The following ERBB4 variants were observed in gnomAD, a reference collection of about 807,000 sequenced individuals.
ERBB4 encodes the protein erb-b2 receptor tyrosine kinase 4.
A neutral mutation model predicts 158.0 loss-of-function variants in ERBB4; 42 were observed. The ratio of observed to expected loss-of-function variants is 0.27; its 90% CI spans 0.21 to 0.34. The LOEUF (loss-of-function observed/expected upper bound fraction) is 0.34. Among genes scored for constraint, ERBB4 ranks in the 10% least tolerant of loss-of-function variants. ERBB4 has a pLI of 1.00. For synonymous variants in ERBB4, 583 were observed against 558.7 expected, an observed-to-expected ratio of 1.04 and a Z score of -0.61; for missense variants, 1,333 against 1,624.1, an observed-to-expected ratio of 0.82 and a Z score of 3.08.
chr2:212,307,584 C>T (rs754313347), intron 1 of ERBB4, among the ~76,000 whole-genome samples: 17 of 150,606 alleles, frequency 1.1e-4, no homozygotes, highest in Non-Finnish European at 2.5e-4. Flanking sequence ...ACAAGGTTTT[C>T]GATTTCTAAT....
intron 2 of ERBB4, among the ~76,000 whole-genome samples, chr2:212,058,007 A>T (rs1202477335): frequency 6.6e-6 from 1 of 152,212 alleles, no homozygotes; most frequent in Non-Finnish European, 1.5e-5. Context: ...TTGTTTTTGG[A>T]AAACATCAAC....
At chr2:211,719,868 GAA>G (rs56887696) in intron 7 of ERBB4, among the ~76,000 whole-genome samples, 795 of 76,758 alleles carry the variant, frequency 0.01, 11 homozygotes, top group African/African-American at 0.026. Flanking sequence ...ACAAAGAAAA[GAA>G]AAAAAAAAAA....
intron 1 of ERBB4, among the ~76,000 whole-genome samples, chr2:212,286,203 G>T (rs1030887520): frequency 1.3e-5 from 2 of 152,056 alleles, no homozygotes; most frequent in Non-Finnish European, 2.9e-5. Flanking sequence ...GGTTCTTACG[G>T]TTTACTGAAG....
chr2:212,445,714 T>C (rs1382749806), intron 1 of ERBB4, among the ~76,000 whole-genome samples: 1 of 152,160 alleles, frequency 6.6e-6, no homozygotes, highest in African/African-American at 2.4e-5. Context: ...CAGGCAGGAC[T>C]ACAAATGGTC....
intron 1 of ERBB4, among the ~76,000 whole-genome samples, chr2:212,254,299 C>T (rs1286018095): frequency 6.6e-6 from 1 of 152,150 alleles, no homozygotes; most frequent in Non-Finnish European, 1.5e-5. Flanking sequence ...CCAGCCCACT[C>T]ACTAAATAAC....
chr2:211,738,361 G>GT lies in ERBB4; in HGVS notation c.622+12277dup, dbSNP rs10535592. On this transcript the variant is annotated intron_variant, in intron 5 of 27. Coordinates refer to ENST00000342788, the MANE Select transcript of ERBB4 (RefSeq NM_005235.3). ...TTAAAGTAATTTTTCCTTTGTTTTT[G>GT]TTTTTTTTTTTTTTTTTTTTTTTTT... Among the ~76,000 whole-genome samples, 1,005 of 134,818 alleles carry GT rather than the reference G, an allele frequency of 7.5e-3. 12 individuals carry two copies. Among genetic ancestry groups the GT allele is most frequent in the East Asian group, 0.015 (65 of 4,234 alleles). 88.4% of individuals were successfully genotyped at this position (134,818 alleles called of 152,430 possible).
At chr2:212,043,709 T>C (rs2077193269) in intron 2 of ERBB4, among the ~76,000 whole-genome samples, 1 of 152,046 alleles carries the variant, frequency 6.6e-6, no homozygotes, top group Admixed American at 6.6e-5. Context: ...GAATAAGAAT[T>C]AGAGAGTAAG....
chr2:212,117,033 G>A (rs183125724), intron 2 of ERBB4, among the ~76,000 whole-genome samples: 89 of 152,176 alleles, frequency 5.8e-4, no homozygotes, highest in Non-Finnish European at 2.5e-4. Flanking sequence ...AAAGCCAGCC[G>A]TAAATACACA....
intron 1 of ERBB4, among the ~76,000 whole-genome samples, chr2:212,463,456 A>G (rs1688675066): frequency 1.3e-5 from 2 of 152,208 alleles, no homozygotes; most frequent in South Asian, 2.1e-4. Flanking sequence ...TACCATCTCT[A>G]TATCTCTATC....
chr2:211,701,618 C>T (rs921379002), intron 12 of ERBB4, among the ~76,000 whole-genome samples: 7 of 151,850 alleles, frequency 4.6e-5, no homozygotes, highest in Admixed American at 4.6e-4. Context: ...ATTAGCCGGG[C>T]GCGGCGGCGG....
intron 24 of ERBB4, 25 bp downstream of exon 24, chr2:211,421,982 A>G: frequency 1.4e-6 from 2 of 1,469,570 alleles, no homozygotes; most frequent in African/African-American, 1.4e-5. Flanking sequence ...GCCTAGTCTT[A>G]AAGGCATAAG....
In ERBB4 at chr2:211,420,504, G is replaced by A. The variant is rs2125403638; in HGVS notation, c.3072C>T (p.Val1024=). Reference sequence around the variant, plus strand: ...GAGGTGGGATGTTGAAAGCCTGAGGGACCAAGTACTCCTCAGCATCCATCA... The same window carrying A: ...GAGGTGGGATGTTGAAAGCCTGAGGAACCAAGTACTCCTCAGCATCCATCA... The part of the protein sequence containing the change: ...EDMMDAEEYL[V]PQAFNIPPPI... The change falls in exon 25 of 28, where the codon GTC becomes GTT. Residue 1024 remains valine, a synonymous_variant. Transcript: ENST00000342788. The A allele has an allele frequency of 4.3e-6, 7 of 1,612,138 alleles. No homozygotes were observed. Among genetic ancestry groups the A allele is most frequent in the East Asian group, 2.2e-5 (1 of 44,822 alleles).
intron 2 of ERBB4, among the ~76,000 whole-genome samples, chr2:212,078,600 T>C (rs559556651): frequency 4.6e-5 from 7 of 151,864 alleles, no homozygotes; most frequent in Non-Finnish European, 8.8e-5. Context: ...TTTTGTGGTG[T>C]TGTATTTTTC....
At chr2:211,390,666 G>A (rs2062781467) in intron 25 of ERBB4, among the ~76,000 whole-genome samples, 1 of 152,172 alleles carries the variant, frequency 6.6e-6, no homozygotes, top group Admixed American at 6.5e-5. Flanking sequence ...CTTGCGGTTA[G>A]TCTGTTCCAA....
At chr2:212,026,241 A>T (rs2076769738) in intron 2 of ERBB4, among the ~76,000 whole-genome samples, 1 of 151,800 alleles carries the variant, frequency 6.6e-6, no homozygotes, top group African/African-American at 2.4e-5. Context: ...GAATTTTAGT[A>T]TATAAATAAA....
At chr2:212,193,179 A>T (rs2082325013) in intron 1 of ERBB4, among the ~76,000 whole-genome samples, 1 of 152,142 alleles carries the variant, frequency 6.6e-6, no homozygotes, top group South Asian at 2.1e-4. Flanking sequence ...TTATATTTAT[A>T]ACTCCAGGGT....
chr2:212,370,189 T>C (rs754848338), intron 1 of ERBB4, among the ~76,000 whole-genome samples: 3 of 152,118 alleles, frequency 2.0e-5, no homozygotes, highest in Non-Finnish European at 4.4e-5. Context: ...TCACAAGATC[T>C]CATGGCTATA....
At chr2:211,493,679 AT>A (rs1249931634) in intron 20 of ERBB4, among the ~76,000 whole-genome samples, 1 of 151,972 alleles carries the variant, frequency 6.6e-6, no homozygotes, top group African/African-American at 2.4e-5. Context: ...TGAAATATAT[AT>A]TTTTTCTTCA....
chr2:211,922,632 T>A (rs2079887714), intron 3 of ERBB4, among the ~76,000 whole-genome samples: 1 of 152,022 alleles, frequency 6.6e-6, no homozygotes, highest in Non-Finnish European at 1.5e-5. Flanking sequence ...ACATTGTTAA[T>A]TGTACATTGT....
Sources: gnomAD v4.1 joint callset for allele counts (sites outside exome capture counted in the v4.1 genomes callset) on GRCh38, gnomAD v4.1.1 for gene constraint, MANE v1.5 for transcripts, NCBI Gene and HGNC (gene_info 2026-07-23, HGNC 2026-07-21) for gene names.